The following OAS2 variants were observed in gnomAD, a reference collection of about 807,000 sequenced individuals.
The protein encoded by OAS2 is 2'-5'-oligoadenylate synthase 2.
A neutral mutation model predicts 71.3 loss-of-function variants in OAS2; 67 were observed. The ratio of observed to expected loss-of-function variants is 0.94; its 90% CI spans 0.77 to 1.15. The LOEUF (loss-of-function observed/expected upper bound fraction) is 1.15. OAS2 is among the 50% of genes most tolerant of loss of function. The probability of loss-of-function intolerance (pLI) is 0.00; values close to 1 mark genes in which losing one functional copy is unlikely to be tolerated. For missense variants in OAS2, 789 were observed against 822.5 expected, an observed-to-expected ratio of 0.96 and a Z score of 0.50; for synonymous variants, 327 against 321.8, an observed-to-expected ratio of 1.02 and a Z score of -0.17.
intron 1 of OAS2, among the ~76,000 whole-genome samples, chr12:112,986,366 A>C (rs1299628102): frequency 6.6e-6 from 1 of 152,202 alleles, no homozygotes; most frequent in Non-Finnish European, 1.5e-5. Flanking sequence ...CTGAACAGGC[A>C]GGTCCTTGGG....
intron 2 of OAS2, chr12:112,987,534 C>T: frequency 7.1e-7 from 1 of 1,411,096 alleles, no homozygotes; most frequent in Admixed American, 3.0e-5. Context: ...GTTCTGGATT[C>T]TAGAATCTAA....
At position 112,998,412 on chromosome 12, in the gene OAS2, TA is replaced by T; in HGVS notation, c.1008+4del. On this transcript the variant is annotated splice_donor_region_variant and intron_variant, in intron 5 of 9. Transcript: ENST00000392583. Reference sequence around the variant, plus strand: ...CCTGCACCATCTTGGAATGTTCTGGTAAGAGGGTTTTCCAAATACAGGGTGT... The same window carrying T: ...CCTGCACCATCTTGGAATGTTCTGGTAGAGGGTTTTCCAAATACAGGGTGT... 1.2e-6 allele frequency: 2 copies of T among 1,607,088 alleles called. No individual in the cohort carries two copies. Among genetic ancestry groups the T allele is most frequent in the Non-Finnish European group, 1.7e-6 (2 of 1,178,072 alleles).
chr12:112,992,809 TG>T (rs2136383753), intron 2 of OAS2, among the ~76,000 whole-genome samples: 1 of 151,728 alleles, frequency 6.6e-6, no homozygotes, highest in South Asian at 2.1e-4. Context: ...TGCTCAGGGT[TG>T]GGGGTGGGGG....
At chr12:113,005,987 G>A (rs894952964) in intron 7 of OAS2, among the ~76,000 whole-genome samples, 1 of 148,506 alleles carries the variant, frequency 6.7e-6, no homozygotes, top group Non-Finnish European at 1.5e-5. Context: ...CCAGGGGGCG[G>A]TAGTTCACAA....
rs1351006714 is a variant in OAS2, at chr12:113,011,599, T to A, written c.*2344T>A. ...TCCAATGTACTAGGAAGGTAGCGCA[T>A]CTTGATTCCACAGGGACAAAGGCTC... On this transcript the variant is annotated 3_prime_UTR_variant, in exon 10 of 10. Coordinates refer to ENST00000392583, the MANE Select transcript of OAS2 (RefSeq NM_002535.3). 2 of 152,264 alleles carry A rather than the reference T, an allele frequency of 1.3e-5. No individual in the cohort carries two copies. Among genetic ancestry groups the A allele is most frequent in the African/African-American group, 2.4e-5 (1 of 41,466 alleles). 9.4% of individuals were successfully genotyped at this position (152,264 alleles called of 1,614,324 possible).
chr12:113,003,769 G>A (rs768393241), intron 6 of OAS2, among the ~76,000 whole-genome samples: 4 of 152,180 alleles, frequency 2.6e-5, no homozygotes, highest in Non-Finnish European at 4.4e-5. Flanking sequence ...ACGTGTCCCC[G>A]TGGTCACAAG....
chr12:113,007,975 A>T, intron 9 of OAS2, 32 bp downstream of exon 9: 6 of 1,491,314 alleles, frequency 4.0e-6, no homozygotes, highest in Non-Finnish European at 5.6e-6. Context: ...ACTTTTCTTA[A>T]CCTGATTCCC....
At chr12:113,005,924 A>ACAACAAC (rs1565997522) in intron 7 of OAS2, among the ~76,000 whole-genome samples, 3 of 34,152 alleles carry the variant, frequency 8.8e-5, no homozygotes, top group Admixed American at 3.5e-4. Flanking sequence ...ACAACAAAAA[A>ACAACAAC]AAAAAAAAAA....
chr12:112,983,744 C>T (rs2044104583), intron 1 of OAS2, among the ~76,000 whole-genome samples: 1 of 152,086 alleles, frequency 6.6e-6, no homozygotes, highest in African/African-American at 2.4e-5. Flanking sequence ...GTTTAATTTT[C>T]ACGTATTTGT....
intron 6 of OAS2, 54 bp downstream of exon 6, chr12:113,003,156 C>T (rs2044304775): frequency 1.3e-6 from 2 of 1,578,262 alleles, no homozygotes. Context: ...TTGGGCATTC[C>T]TGGAAGGGAG....
At chr12:113,006,390 T>C in intron 7 of OAS2, 23 bp from the exon 8 acceptor site, 1 of 1,516,218 alleles carries the variant, frequency 6.6e-7, no homozygotes. Flanking sequence ...TAAAGCAGGA[T>C]GTCAATCTCT....
intron 6 of OAS2, among the ~76,000 whole-genome samples, chr12:113,003,696 C>T (rs573828490): frequency 3.3e-4 from 50 of 152,306 alleles, no homozygotes; most frequent in African/African-American, 1.2e-3. Flanking sequence ...CATTCTTGTC[C>T]GTGGCTCAAA....
At chr12:112,997,457 A>C (rs2044243721) in intron 3 of OAS2, 63 bp from the exon 4 acceptor site, 4 of 1,406,428 alleles carry the variant, frequency 2.8e-6, no homozygotes, top group Non-Finnish European at 3.9e-6. Flanking sequence ...TCTTGATTTC[A>C]GATCCCTGAC....
At chr12:113,003,230 G>C in intron 6 of OAS2, 128 bp downstream of exon 6, 1 of 957,510 alleles carries the variant, frequency 1.0e-6, no homozygotes, top group South Asian at 1.6e-5. Flanking sequence ...AGGGAAGCCA[G>C]GAGTTAAGGG....
Position 113,005,032 on chromosome 12 carries a change from C to G in OAS2, c.1278C>G (p.Asn426Lys), listed in dbSNP as rs762942728. 6.2e-6 allele frequency: 10 copies of G among 1,614,036 alleles called. No homozygotes were observed. The South Asian group carries it at 7.7e-5, about 12-fold the overall frequency. ...TTAAAAGCTACACCTCCCAAAAAAA[C>G]GAGCGGCACAAAATCGTCAAGGAAA... ...NSLKSYTSQKNERHKIVKEIH... is the reference protein window; with the variant it reads ...NSLKSYTSQKKERHKIVKEIH... Residue 426 changes from asparagine to lysine, a missense_variant, in exon 7 of 10, where the codon AAC becomes AAG. Coordinates refer to ENST00000392583, the MANE Select transcript of OAS2 (RefSeq NM_002535.3).
chr12:112,993,262 C>G (rs570997853), intron 2 of OAS2, among the ~76,000 whole-genome samples: 42 of 152,322 alleles, frequency 2.8e-4, no homozygotes, highest in Admixed American at 2.7e-3. Flanking sequence ...AACTCTCCCC[C>G]TAGGGCCTTT....
intron 2 of OAS2, among the ~76,000 whole-genome samples, chr12:112,994,829 G>T (rs925990551): frequency 6.6e-6 from 1 of 152,170 alleles, no homozygotes; most frequent in Admixed American, 6.5e-5. Context: ...CACCTTGCCT[G>T]CCTCCTCAAA....
rs2044223784 is a variant in OAS2, at chr12:112,995,294, A to G, written c.449-2A>G. On this transcript the variant is annotated splice_acceptor_variant, in intron 2 of 9. Transcript: ENST00000392583. LOFTEE classifies it high-confidence loss of function. ...AACGTTCCAATTTCTGTTTCACATC[A>G]GGCTTAAATGATAATCCCAGCCCCT... is the stretch of plus-strand genomic sequence containing the variant. The G allele has an allele frequency of 3.1e-6, 5 of 1,595,858 alleles. No individual in the cohort carries two copies. Among genetic ancestry groups the G allele is most frequent in the South Asian group, 2.3e-5 (2 of 87,616 alleles).
intron 5 of OAS2, among the ~76,000 whole-genome samples, chr12:112,999,118 C>G (rs975859564): frequency 6.6e-6 from 1 of 152,212 alleles, no homozygotes; most frequent in African/African-American, 2.4e-5. Flanking sequence ...GGCAGTCAGG[C>G]CTGTGGATGC....
Sources: gnomAD v4.1 joint callset for allele counts (sites outside exome capture counted in the v4.1 genomes callset) on GRCh38, gnomAD v4.1.1 for gene constraint, MANE v1.5 for transcripts, NCBI Gene and HGNC (gene_info 2026-07-23, HGNC 2026-07-21) for gene names.